NRXN3: variants seen among roughly 807,000 people sequenced by gnomAD.
NRXN3 encodes neurexin 3, also known as neurexin III.
In NRXN3, 32 loss-of-function variants were observed where a neutral mutation model predicts 137.6. The observed-to-expected ratio is 0.23, with a 90% CI of 0.18 to 0.31. NRXN3 has a LOEUF of 0.31. Ranked by LOEUF, NRXN3 falls within the 10% of genes least tolerant of loss-of-function variation. NRXN3 has a pLI of 1.00. For synonymous variants in NRXN3, 798 were observed against 784.5 expected (o/e 1.02, Z -0.29); for missense variants, 1,574 against 2,062.5 (o/e 0.76, Z 4.59).
At chr14:78,539,421 T>C (rs1328843099) in intron 4 of NRXN3, among the ~76,000 whole-genome samples, 1 of 152,242 alleles carries the variant, frequency 6.6e-6, no homozygotes, top group African/African-American at 2.4e-5. Flanking sequence ...TATAGTATTC[T>C]CTGATGGTAG....
intron 4 of NRXN3, among the ~76,000 whole-genome samples, chr14:78,524,423 A>T (rs535323058): frequency 6.6e-6 from 1 of 152,260 alleles, no homozygotes; most frequent in Non-Finnish European, 1.5e-5. Flanking sequence ...CAAAGGGACT[A>T]TCTGAGATCA....
At chr14:78,693,083 AAAAACAAAAC>A (rs377654380) in intron 6 of NRXN3, among the ~76,000 whole-genome samples, 5 of 152,012 alleles carry the variant, frequency 3.3e-5, no homozygotes, top group South Asian at 2.1e-4. Context: ...ACTCCATCTC[AAAAACAAAAC>A]AAAACAAAAC....
intron 4 of NRXN3, among the ~76,000 whole-genome samples, chr14:78,374,234 G>A (rs1444318069): frequency 6.6e-6 from 1 of 152,174 alleles, no homozygotes; most frequent in African/African-American, 2.4e-5. Context: ...TATAGGTTGA[G>A]CTAGAAGTGT....
intron 4 of NRXN3, among the ~76,000 whole-genome samples, chr14:78,409,057 A>C (rs1050182513): frequency 2.0e-5 from 3 of 152,246 alleles, no homozygotes; most frequent in Non-Finnish European, 4.4e-5. Context: ...ATCTCTTTGC[A>C]GAACCCCTGC....
chr14:79,736,228 T>C (rs546580462), intron 19 of NRXN3, among the ~76,000 whole-genome samples: 1 of 152,304 alleles, frequency 6.6e-6, no homozygotes, highest in Non-Finnish European at 1.5e-5. Context: ...ATCAGATACA[T>C]TTTACTCTCT....
intron 16 of NRXN3, among the ~76,000 whole-genome samples, chr14:79,536,210 G>A (rs2097209795): frequency 6.6e-6 from 1 of 152,152 alleles, no homozygotes; most frequent in African/African-American, 2.4e-5. Flanking sequence ...ACTCTATATG[G>A]AAAGGGAGGA....
chr14:79,379,243 G>A (rs1431464512), intron 15 of NRXN3, among the ~76,000 whole-genome samples: 1 of 152,118 alleles, frequency 6.6e-6, no homozygotes, highest in African/African-American at 2.4e-5. Context: ...TCCCTATAAT[G>A]ATTTTGGTAA....
intron 15 of NRXN3, among the ~76,000 whole-genome samples, chr14:79,451,760 G>A (rs1406346741): frequency 6.6e-6 from 1 of 152,142 alleles, no homozygotes; most frequent in Admixed American, 6.5e-5. Flanking sequence ...CAGCCATGTG[G>A]GTCTGATTTG....
intron 2 of NRXN3, among the ~76,000 whole-genome samples, chr14:78,258,246 T>G (rs1012096733): frequency 6.6e-6 from 1 of 152,202 alleles, no homozygotes; most frequent in African/African-American, 2.4e-5. Context: ...AAGACAGAGC[T>G]TCAATAATAT....
In NRXN3 at chr14:78,565,785, A is replaced by G. The variant is rs1281671622; in HGVS notation, c.758-79335A>G. On this transcript the variant is annotated intron_variant, in intron 4 of 20. Coordinates refer to ENST00000335750, the MANE Select transcript of NRXN3 (RefSeq NM_001330195.2). ...GTGTAGATAGAGGCCTCTGTACATT[A>G]CAGAAGACTGGCAGAGGCATTGGGG... Among the ~76,000 whole-genome samples the G allele has an allele frequency of 2.8e-5, 4 of 145,182 alleles. No homozygotes were observed. The South Asian group carries it at 6.7e-4, about 24-fold the overall frequency.
At chr14:79,351,323 G>A (rs2093197091) in intron 15 of NRXN3, among the ~76,000 whole-genome samples, 1 of 152,102 alleles carries the variant, frequency 6.6e-6, no homozygotes, top group South Asian at 2.1e-4. Flanking sequence ...TATAATCTTG[G>A]ACAAATCATG....
chr14:78,980,254 T>A (rs2153043464), intron 14 of NRXN3, among the ~76,000 whole-genome samples: 1 of 152,356 alleles, frequency 6.6e-6, no homozygotes, highest in East Asian at 1.9e-4. Context: ...AAACTTGATA[T>A]GGCCTCCAGG....
intron 16 of NRXN3, among the ~76,000 whole-genome samples, chr14:79,623,248 C>T (rs2098244190): frequency 6.6e-6 from 1 of 152,170 alleles, no homozygotes; most frequent in African/African-American, 2.4e-5. Flanking sequence ...CATACAGCAG[C>T]ATATGAACAC....
At position 79,437,577 on chromosome 14, in the gene NRXN3, G is replaced by T. The variant is rs1398273605; in HGVS notation, c.3263-29644G>T. On this transcript the variant is annotated intron_variant, in intron 15 of 20. Transcript: ENST00000335750. Reference sequence around the variant, plus strand: ...CATCATGTTGTTAAGACCCCCATCTGTCTCTAGGGTAGTAGAAAAGATGCA... The same window carrying T: ...CATCATGTTGTTAAGACCCCCATCTTTCTCTAGGGTAGTAGAAAAGATGCA... Among the ~76,000 whole-genome samples, 4 of 152,182 alleles carry T rather than the reference G, an allele frequency of 2.6e-5. No homozygotes were observed. In the East Asian group the frequency reaches 7.7e-4, roughly 29 times the overall value.
At chr14:79,767,905 C>G (rs1231175214) in intron 19 of NRXN3, among the ~76,000 whole-genome samples, 2 of 152,180 alleles carry the variant, frequency 1.3e-5, no homozygotes, top group East Asian at 3.9e-4. Flanking sequence ...GCGCAGGTCA[C>G]TGGGTGCATG....
chr14:79,671,580 GGTTT>G (rs2098608171), intron 17 of NRXN3, among the ~76,000 whole-genome samples: 1 of 151,936 alleles, frequency 6.6e-6, no homozygotes, highest in South Asian at 2.1e-4. Flanking sequence ...TTTAAATGAA[GGTTT>G]GTTTTGCCAT....
intron 16 of NRXN3, among the ~76,000 whole-genome samples, chr14:79,558,434 G>T (rs528754020): frequency 6.6e-6 from 1 of 152,218 alleles, no homozygotes; most frequent in South Asian, 2.1e-4. Context: ...CTGCAGAATG[G>T]ATGCTATGTT....
intron 14 of NRXN3, among the ~76,000 whole-genome samples, chr14:78,969,907 G>C (rs1175108940): frequency 8.0e-5 from 12 of 150,924 alleles, no homozygotes; most frequent in Admixed American, 7.9e-4. Context: ...CAGCCACTTT[G>C]CTCCTAGAAA....
chr14:79,196,399 T>C (rs1469567224), intron 15 of NRXN3, among the ~76,000 whole-genome samples: 1 of 152,202 alleles, frequency 6.6e-6, no homozygotes, highest in African/African-American at 2.4e-5. Context: ...AGTTATCACA[T>C]GGCAAGAGAG....
Sources: allele counts gnomAD v4.1 joint callset (sites outside exome capture counted in the v4.1 genomes callset), GRCh38; gene constraint gnomAD v4.1.1; transcripts MANE v1.5; gene names NCBI Gene and HGNC (gene_info 2026-07-23, HGNC 2026-07-21).